ALS2: variants seen among roughly 807,000 people sequenced by gnomAD.
ALS2 encodes alsin Rho guanine nucleotide exchange factor ALS2, also known as alsin.
ALS2 carries 117 observed loss-of-function variants against 203.4 expected under a neutral mutation model. That is an observed-to-expected ratio of 0.58 (90% CI 0.50 to 0.67). The LOEUF (loss-of-function observed/expected upper bound fraction) is 0.67, where lower values mean the gene tolerates loss of function less well. Among genes scored for constraint, ALS2 ranks in the 30% least tolerant of loss-of-function variants. The pLI is 0.00. For synonymous variants in ALS2, 718 were observed against 725.9 expected (o/e 0.99, Z 0.17); for missense variants, 1,715 against 1,989.4 (o/e 0.86, Z 2.62).
chr2:201,750,863 T>G (rs1692991741), intron 7 of ALS2, among the ~76,000 whole-genome samples: 1 of 151,756 alleles, frequency 6.6e-6, no homozygotes. Context: ...TTTTTTTTTT[T>G]TTTTTTGGAA....
intron 13 of ALS2, among the ~76,000 whole-genome samples, chr2:201,731,781 G>A (rs959126283): frequency 6.6e-6 from 1 of 152,142 alleles, no homozygotes; most frequent in Admixed American, 6.5e-5. Flanking sequence ...GATATAACAT[G>A]AGAAGTGAAT....
At position 201,751,444 on chromosome 2, in the gene ALS2, G is replaced by A. The variant is rs554330304; in HGVS notation, c.1738-1655C>T. Among the ~76,000 whole-genome samples, 34 of 152,178 alleles carry A rather than the reference G, an allele frequency of 2.2e-4. 1 individual carries two copies. The South Asian group carries it at 3.7e-3, about 17-fold the overall frequency. ...GTTGTTTTTTAATTTAAATGTATTT[G>A]CTAAATGATCATCTTTTCATTTATT... is the stretch of plus-strand genomic sequence containing the variant. On this transcript the variant is annotated intron_variant, in intron 7 of 33. Coordinates refer to ENST00000264276, the MANE Select transcript of ALS2 (RefSeq NM_020919.4).
At chr2:201,704,689 T>C in intron 31 of ALS2, 86 bp from the exon 32 acceptor site, 1 of 1,477,090 alleles carries the variant, frequency 6.8e-7, no homozygotes, top group South Asian at 1.1e-5. Flanking sequence ...TATTCCCTCC[T>C]GGGATTCACA....
intron 1 of ALS2, among the ~76,000 whole-genome samples, chr2:201,774,606 T>C (rs1169081096): frequency 6.6e-6 from 1 of 152,200 alleles, no homozygotes; most frequent in Non-Finnish European, 1.5e-5. Flanking sequence ...AGTTAAATCA[T>C]GCAGGATCCT....
chr2:201,702,799 C>T (rs116481926), intron 33 of ALS2, among the ~76,000 whole-genome samples: 1 of 152,236 alleles, frequency 6.6e-6, no homozygotes, highest in African/African-American at 2.4e-5. Flanking sequence ...AGTTTCTCCC[C>T]CTTTTCAGTT....
chr2:201,724,183 G>T, intron 21 of ALS2, 112 bp downstream of exon 21: 1 of 1,160,006 alleles, frequency 8.6e-7, no homozygotes, highest in Middle Eastern at 2.0e-4. Context: ...CAAACTCAAA[G>T]AAATCTTACT....
In ALS2 at chr2:201,739,835, T is replaced by C. The variant is rs949148494; in HGVS notation, c.2352-1100A>G. 7.9e-5 allele frequency among the ~76,000 whole-genome samples: 12 copies of C among 152,086 alleles called. 1 individual carries two copies. Among genetic ancestry groups the C allele is most frequent in the African/African-American group, 2.9e-4 (12 of 41,398 alleles). ...AGTGTTAGAAAATGTTGATTAAATA[T>C]TGATATGCTGCTAAAGAACAAGTCT... is the stretch of plus-strand genomic sequence containing the variant. On this transcript the variant is annotated intron_variant, in intron 11 of 33. Coordinates refer to ENST00000264276, the MANE Select transcript of ALS2 (RefSeq NM_020919.4).
chr2:201,734,597 G>T (rs919076753), intron 12 of ALS2, among the ~76,000 whole-genome samples: 5 of 152,144 alleles, frequency 3.3e-5, no homozygotes, highest in Non-Finnish European at 7.3e-5. Context: ...TTACACAAGT[G>T]TTCTGCTTTG....
chr2:201,733,265 T>C lies in ALS2; in HGVS notation c.2580+11A>G, dbSNP rs1691683966. ...TTCCAAATGTCCAAAGAGGTATACATGGGAGCTTACCACTTCAAAACAAGT... is the reference window on the plus strand; with the variant it reads ...TTCCAAATGTCCAAAGAGGTATACACGGGAGCTTACCACTTCAAAACAAGT... On this transcript the variant is annotated intron_variant, in intron 13 of 33. Transcript: ENST00000264276. 6.2e-7 allele frequency: 1 copy of C among 1,613,512 alleles called. No individual in the cohort carries two copies. Among genetic ancestry groups the C allele is most frequent in the Non-Finnish European group, 8.5e-7 (1 of 1,179,654 alleles).
At chr2:201,754,132 C>T (rs1351725958) in intron 6 of ALS2, among the ~76,000 whole-genome samples, 1 of 151,962 alleles carries the variant, frequency 6.6e-6, no homozygotes, top group Non-Finnish European at 1.5e-5. Context: ...CCTGCCTCAG[C>T]CTCCTGAGTA....
At chr2:201,709,838 T>C (rs754615099) in intron 27 of ALS2, 43 bp downstream of exon 27, 4 of 1,612,380 alleles carry the variant, frequency 2.5e-6, no homozygotes, top group African/African-American at 1.3e-5. Flanking sequence ...TGGTATAAAA[T>C]AGTATTCCAT....
chr2:201,716,239 C>G (rs1413795173), intron 24 of ALS2, among the ~76,000 whole-genome samples: 1 of 151,958 alleles, frequency 6.6e-6, no homozygotes, highest in African/African-American at 2.4e-5. Context: ...GAAACTCTGT[C>G]TCTACTAAAA....
intron 4 of ALS2, chr2:201,760,126 G>A (rs1052529189): frequency 7.5e-6 from 5 of 665,078 alleles, no homozygotes; most frequent in Non-Finnish European, 9.3e-6. Context: ...AGTTTGAGAT[G>A]AGCCTGGGCA....
intron 29 of ALS2, among the ~76,000 whole-genome samples, chr2:201,705,867 T>C (rs1689678302): frequency 6.6e-6 from 1 of 151,744 alleles, no homozygotes; most frequent in South Asian, 2.1e-4. Context: ...GAGAATCACT[T>C]GAACCTGGGA....
intron 12 of ALS2, among the ~76,000 whole-genome samples, chr2:201,736,137 A>G (rs1691860767): frequency 6.6e-6 from 1 of 152,036 alleles, no homozygotes; most frequent in South Asian, 2.1e-4. Flanking sequence ...TCTCAAATGT[A>G]AACAACAACA....
chr2:201,728,964 A>G (rs955746615), intron 14 of ALS2, 88 bp downstream of exon 14: 13 of 1,600,736 alleles, frequency 8.1e-6, no homozygotes, highest in Non-Finnish European at 6.0e-6. Context: ...ATTACCACAA[A>G]CAAGTGAGGA....
At chr2:201,767,201 G>GT (rs1428480638) in intron 3 of ALS2, 28 bp downstream of exon 3, 1 of 1,613,412 alleles carries the variant, frequency 6.2e-7, no homozygotes, top group Non-Finnish European at 8.5e-7. Context: ...ATTGCAGTTC[G>GT]TATTTGTTAC....
At chr2:201,719,417 C>T (rs570464493) in intron 23 of ALS2, among the ~76,000 whole-genome samples, 10 of 152,164 alleles carry the variant, frequency 6.6e-5, no homozygotes, top group African/African-American at 1.9e-4. Flanking sequence ...GGTGAAGCCC[C>T]GTCTCTACTA....
chr2:201,712,540 C>T (rs543414455), intron 25 of ALS2, among the ~76,000 whole-genome samples: 9 of 152,252 alleles, frequency 5.9e-5, no homozygotes, highest in African/African-American at 9.6e-5. Flanking sequence ...TGTAGCTACA[C>T]GCACAGATTA....
Sources: gnomAD v4.1 joint callset for allele counts (sites outside exome capture counted in the v4.1 genomes callset) on GRCh38, gnomAD v4.1.1 for gene constraint, MANE v1.5 for transcripts, NCBI Gene and HGNC (gene_info 2026-07-23, HGNC 2026-07-21) for gene names.